Variants in ZBTB44 observed in about 807,000 individuals in gnomAD.
The protein encoded by ZBTB44 is zinc finger and BTB domain containing 44, also known as zinc finger and BTB domain-containing protein 44.
ZBTB44 carries 15 observed loss-of-function variants against 54.0 expected under a neutral mutation model. The observed-to-expected ratio is 0.28, with a 90% confidence interval of 0.19 to 0.43. ZBTB44 has a LOEUF of 0.43. Ranked by LOEUF, ZBTB44 falls within the 20% of genes least tolerant of loss-of-function variation. The pLI is 1.00. For synonymous variants in ZBTB44, 230 were observed against 250.1 expected (o/e 0.92, Z 0.76); for missense variants, 487 against 707.1 (o/e 0.69, Z 3.53).
At chr11:130,295,371 T>C (rs1337895125) in intron 1 of ZBTB44, among the ~76,000 whole-genome samples, 1 of 152,022 alleles carries the variant, frequency 6.6e-6, no homozygotes, top group Non-Finnish European at 1.5e-5. Flanking sequence ...GAAGCAGCAA[T>C]GCAGTCTCCC....
At chr11:130,231,835 C>T (rs1309449867) in intron 7 of ZBTB44, 120 bp from the exon 8 acceptor site, 1 of 152,116 alleles carries the variant, frequency 6.6e-6, no homozygotes, top group Non-Finnish European at 1.5e-5. Flanking sequence ...CACAACGTAA[C>T]ATTAAAATTC....
chr11:130,243,448 C>T (rs1451245123), intron 2 of ZBTB44, among the ~76,000 whole-genome samples: 1 of 152,234 alleles, frequency 6.6e-6, no homozygotes, highest in East Asian at 1.9e-4. Context: ...GATTCCTTGG[C>T]CTACCCACTC....
At chr11:130,273,320 T>TA (rs1336985149) in intron 1 of ZBTB44, among the ~76,000 whole-genome samples, 1 of 149,180 alleles carries the variant, frequency 6.7e-6, no homozygotes, top group Non-Finnish European at 1.5e-5. Context: ...TTTTTTTTTT[T>TA]TTTTTTGAGA....
Position 130,314,569 on chromosome 11 carries a change from G to A in ZBTB44, c.-251C>T, listed in dbSNP as rs1421952477. The A allele has an allele frequency of 2.1e-5, 2 of 96,686 alleles. No individual in the cohort carries two copies. The highest frequency in any genetic ancestry group is 1.1e-4 in the Admixed American group (1 of 9,232). The allele number at this position is 96,686 out of a possible 1,614,324, so 6.0% of individuals were successfully genotyped here. On this transcript the variant is annotated 5_prime_UTR_variant, in exon 1 of 8. Coordinates refer to ENST00000357899, the MANE Select transcript of ZBTB44 (RefSeq NM_001301098.2). ...CCTAGGCCCGTGAGCAGCCTGTGGTGGGGCATGGCGGCACAGCCACCGGCG... is the reference window on the plus strand; with the variant it reads ...CCTAGGCCCGTGAGCAGCCTGTGGTAGGGCATGGCGGCACAGCCACCGGCG...
intron 1 of ZBTB44, among the ~76,000 whole-genome samples, chr11:130,288,406 T>A (rs111876388): frequency 0.048 from 7,035 of 147,222 alleles, 367 homozygotes; most frequent in African/African-American, 0.14. Flanking sequence ...TAAAATAAAA[T>A]AAAAAAATAA....
intron 1 of ZBTB44, among the ~76,000 whole-genome samples, chr11:130,302,586 A>C (rs565733866): frequency 6.6e-6 from 1 of 152,338 alleles, no homozygotes; most frequent in Non-Finnish European, 1.5e-5. Context: ...GCAAAGAGCC[A>C]AAGAAAAAGT....
chr11:130,285,704 T>TCA, intron 1 of ZBTB44: 1 of 265,798 alleles, frequency 3.8e-6, no homozygotes, highest in Non-Finnish European at 7.5e-6. Context: ...TAGTTTGTCC[T>TCA]CACCTCTCCA....
chr11:130,265,152 T>C (rs1251065397), intron 1 of ZBTB44, among the ~76,000 whole-genome samples: 2 of 152,160 alleles, frequency 1.3e-5, no homozygotes, highest in Non-Finnish European at 2.9e-5. Flanking sequence ...AAAACAAGGA[T>C]ATTGAAATTA....
chr11:130,248,349 C>T (rs2136337872), intron 2 of ZBTB44, among the ~76,000 whole-genome samples: 1 of 152,278 alleles, frequency 6.6e-6, no homozygotes, highest in African/African-American at 2.4e-5. Flanking sequence ...AAGGAAAAAA[C>T]ATCATATTGG....
At chr11:130,273,307 A>ATTTTT (rs34506406) in intron 1 of ZBTB44, among the ~76,000 whole-genome samples, 5 of 126,310 alleles carry the variant, frequency 4.0e-5, no homozygotes, top group African/African-American at 8.9e-5. Flanking sequence ...TATTTTCTTA[A>ATTTTT]TTTTTTTTTT....
At chr11:130,241,411 G>T (rs183860462) in intron 2 of ZBTB44, among the ~76,000 whole-genome samples, 200 of 152,210 alleles carry the variant, frequency 1.3e-3, no homozygotes, top group Non-Finnish European at 2.2e-3. Flanking sequence ...ATTACCACTG[G>T]TTTTTAAAAT....
intron 2 of ZBTB44, among the ~76,000 whole-genome samples, chr11:130,254,381 AAACAAC>A (rs545665046): frequency 6.6e-6 from 1 of 152,210 alleles, no homozygotes; most frequent in Non-Finnish European, 1.5e-5. Flanking sequence ...AGAAAAAAAC[AAACAAC>A]AACAACCCCA....
rs1271793712 is a variant in ZBTB44, at chr11:130,228,823, C to T, written c.*2941G>A. ...TCCCACCACTAGGCACCAATTTTAT[C>T]AGTATATCGCCACAACCGTGCCTGG... On this transcript the variant is annotated 3_prime_UTR_variant, in exon 8 of 8. Coordinates refer to ENST00000357899, the MANE Select transcript of ZBTB44 (RefSeq NM_001301098.2). The T allele has an allele frequency of 1.3e-5, 2 of 152,186 alleles. No homozygotes were observed. Among genetic ancestry groups the T allele is most frequent in the Non-Finnish European group, 2.9e-5 (2 of 68,040 alleles). The allele number at this position is 152,186 out of a possible 1,614,324, so 9.4% of individuals were successfully genotyped here.
chr11:130,238,793 GTTT>G (rs376319486), intron 3 of ZBTB44, 186 bp from the exon 4 acceptor site: 8 of 498,170 alleles, frequency 1.6e-5, no homozygotes, highest in Non-Finnish European at 2.2e-5. Context: ...AATGCCTTTT[GTTT>G]TTTTTTTTTA....
rs371122586 is a variant in ZBTB44 at position 130,261,565 on chromosome 11, A to G, written c.309T>C (p.Asp103=). 19 of 1,613,952 alleles carry G rather than the reference A, an allele frequency of 1.2e-5. No individual in the cohort carries two copies. The highest frequency in any genetic ancestry group is 2.2e-5 in the East Asian group (1 of 44,894). Residue 103 remains aspartate (D), a synonymous_variant, in exon 2 of 8, where the codon GAT becomes GAC. Coordinates refer to ENST00000357899, the MANE Select transcript of ZBTB44 (RefSeq NM_001301098.2). This position sits in a 1 kb window ranked among gnomAD's most constrained non-coding sequence, Gnocchi z 4.8. The part of the protein sequence containing the change: ...TLSINTENII[D]VLAAASYMQM... The stretch of plus-strand genomic sequence containing the variant: ...GCATATAGCTGGCTGCTGCTAGAAC[A>G]TCAATAATATTTTCTGTGTTAATTG...
At chr11:130,243,237 T>C (rs749349617) in intron 2 of ZBTB44, among the ~76,000 whole-genome samples, 4 of 152,250 alleles carry the variant, frequency 2.6e-5, no homozygotes, top group Non-Finnish European at 4.4e-5. Context: ...AAAACACATT[T>C]TTTTTTTCCT....
rs1381467525 is a variant in ZBTB44 at position 130,231,409 on chromosome 11, T to G, written c.*355A>C. ...GCAGACAACTAACCAGATATGCATT[T>G]TCACAGTATATTCAGATTTCCCATA... is the stretch of plus-strand genomic sequence containing the variant. On this transcript the variant is annotated 3_prime_UTR_variant, in exon 8 of 8. Transcript: ENST00000357899. 6.6e-6 allele frequency: 1 copy of G among 152,206 alleles called. No homozygotes were observed. The allele number at this position is 152,206 out of a possible 1,614,324, so 9.4% of individuals were successfully genotyped here. A position where few individuals can be genotyped will look rare whatever the true frequency, so the allele number is the denominator to read the frequency against.
chr11:130,312,370 A>G (rs1942660240), intron 1 of ZBTB44, among the ~76,000 whole-genome samples: 1 of 152,226 alleles, frequency 6.6e-6, no homozygotes, highest in Non-Finnish European at 1.5e-5. Flanking sequence ...CATCATTAAT[A>G]GTGTGGGAAT....
intron 2 of ZBTB44, among the ~76,000 whole-genome samples, chr11:130,257,897 AC>A (rs1401161985): frequency 1.3e-5 from 2 of 152,098 alleles, no homozygotes; most frequent in Non-Finnish European, 2.9e-5. Context: ...TGAATTTGCC[AC>A]TACTAGTAGA....
Sources: allele counts gnomAD v4.1 joint callset (sites outside exome capture counted in the v4.1 genomes callset), GRCh38; gene constraint gnomAD v4.1.1; non-coding constraint Gnocchi (gnomAD v3.1); transcripts MANE v1.5; gene names NCBI Gene and HGNC (gene_info 2026-07-23, HGNC 2026-07-21).